MTNAP1: variants seen among roughly 807,000 people sequenced by gnomAD.
MTNAP1 encodes mitochondrial nucleoid-associated protein 1.
chr17:73,242,989 G>GT, the MTNAP1 span: 10 of 1,612,254 alleles, frequency 6.2e-6, no homozygotes, highest in Middle Eastern at 4.9e-4. Context: ...TGTAGCTGGA[G>GT]TTTCAGACGT....
At chr17:73,245,395 CTGGA>C in the MTNAP1 span, 3 of 1,226,914 alleles carry the variant, frequency 2.4e-6, no homozygotes, top group Non-Finnish European at 1.0e-6. Flanking sequence ...CTGGTTCTGT[CTGGA>C]TGTTCTTGGC....
the MTNAP1 span, chr17:73,235,721 A>G: frequency 6.2e-7 from 1 of 1,614,184 alleles, no homozygotes; most frequent in Non-Finnish European, 8.5e-7. Flanking sequence ...AGAAATTCTA[A>G]GTTGGTGGTG....
chr17:73,247,328 C>T, the MTNAP1 span: 3 of 1,614,164 alleles, frequency 1.9e-6, no homozygotes, highest in South Asian at 2.2e-5. Context: ...CGCTCTAAAA[C>T]ATGTTTGGAT....
At chr17:73,236,424 G>T in the MTNAP1 span, 1 of 1,614,140 alleles carries the variant, frequency 6.2e-7, no homozygotes, top group Admixed American at 1.7e-5. Context: ...GAAATGCAGA[G>T]AAAAGTATGT....
the MTNAP1 span, chr17:73,247,166 C>T: frequency 7.4e-7 from 1 of 1,345,798 alleles, no homozygotes; most frequent in Admixed American, 1.7e-5. Flanking sequence ...CACACAACAA[C>T]AGCAAAGTCG....
chr17:73,243,672 G>A, the MTNAP1 span, among the ~76,000 whole-genome samples: 1 of 151,954 alleles, frequency 6.6e-6, no homozygotes, highest in African/African-American at 2.4e-5. Flanking sequence ...GGGACTACAG[G>A]TGTGTGTCAC....
chr17:73,232,494 G>A, the MTNAP1 span: 1 of 516,466 alleles, frequency 1.9e-6, no homozygotes, highest in East Asian at 3.4e-5. Context: ...CGGAGGGTAC[G>A]GTATAAAAGT....
the MTNAP1 span, chr17:73,232,617 A>C: frequency 5.1e-5 from 14 of 272,640 alleles, no homozygotes; most frequent in East Asian, 2.0e-4. Flanking sequence ...AGTGGTGCAG[A>C]CGGCCTGACG....
the MTNAP1 span, chr17:73,247,465 C>T: frequency 1.7e-5 from 15 of 893,704 alleles, no homozygotes; most frequent in Middle Eastern, 2.3e-4. Flanking sequence ...AGCTTTTCAG[C>T]CCTCAAGGTT....
At chr17:73,234,183 T>A in the MTNAP1 span, among the ~76,000 whole-genome samples, 1 of 152,320 alleles carries the variant, frequency 6.6e-6, no homozygotes, top group South Asian at 2.1e-4. Flanking sequence ...GCAGGATAGA[T>A]ATGTTTCCTG....
chr17:73,237,138 T>C, the MTNAP1 span: 1 of 930,624 alleles, frequency 1.1e-6, no homozygotes, highest in South Asian at 1.9e-5. Flanking sequence ...CATATAAAGT[T>C]GTCCTGAAAG....
At chr17:73,240,001 CAGTA>C in the MTNAP1 span, among the ~76,000 whole-genome samples, 1 of 152,172 alleles carries the variant, frequency 6.6e-6, no homozygotes, top group African/African-American at 2.4e-5. Flanking sequence ...CTCTCCCAAA[CAGTA>C]AGCCTCAAGT....
At chr17:73,242,306 A>G in the MTNAP1 span, 1 of 1,604,520 alleles carries the variant, frequency 6.2e-7, no homozygotes. Flanking sequence ...CGGACTTACA[A>G]CCTCCAACTT....
At chr17:73,236,318 T>C in the MTNAP1 span, 7 of 1,614,030 alleles carry the variant, frequency 4.3e-6, no homozygotes, top group African/African-American at 8.0e-5. Flanking sequence ...GAATCCCTCA[T>C]TTTAAGCCTT....
the MTNAP1 span, among the ~76,000 whole-genome samples, chr17:73,238,276 ACCTGTCGTTTGT>A: frequency 2.6e-5 from 1 of 38,070 alleles, no homozygotes; most frequent in East Asian, 1.3e-3. Flanking sequence ...AAAGTAGCAT[ACCTGTCGTTTGT>A]AAAGTAGCAT....
the MTNAP1 span, among the ~76,000 whole-genome samples, chr17:73,244,142 G>C: frequency 6.6e-6 from 1 of 152,150 alleles, no homozygotes; most frequent in Non-Finnish European, 1.5e-5. Flanking sequence ...CTTAATTCAA[G>C]ATGTGTTTGT....
At chr17:73,240,570 T>TA in the MTNAP1 span, among the ~76,000 whole-genome samples, 1 of 152,244 alleles carries the variant, frequency 6.6e-6, no homozygotes, top group Non-Finnish European at 1.5e-5. Flanking sequence ...GACTGCAAAT[T>TA]AGAGTTTTAT....
At chr17:73,242,817 T>G in the MTNAP1 span, 1 of 1,120,076 alleles carries the variant, frequency 8.9e-7, no homozygotes, top group Non-Finnish European at 1.3e-6. Context: ...TCAGGCTAAC[T>G]GGGAAAACTT....
At chr17:73,236,644 A>C in the MTNAP1 span, 11 of 1,614,196 alleles carry the variant, frequency 6.8e-6, no homozygotes, top group Non-Finnish European at 9.3e-6. Flanking sequence ...TCAAGAAAAG[A>C]AAGCAGAAGC....
Sources: gnomAD v4.1 joint callset for allele counts (sites outside exome capture counted in the v4.1 genomes callset) on GRCh38, gnomAD v4.1.1 for gene constraint, MANE v1.5 for transcripts, NCBI Gene and HGNC (gene_info 2026-07-23, HGNC 2026-07-21) for gene names.